ENPP1: variants seen among roughly 807,000 people sequenced by gnomAD.
ENPP1 encodes the protein ectonucleotide pyrophosphatase/phosphodiesterase 1, also known as ectonucleotide pyrophosphatase/phosphodiesterase family member 1.
ENPP1 carries 73 observed loss-of-function variants against 122.8 expected under a neutral mutation model. The observed-to-expected ratio is 0.59, with a 90% confidence interval of 0.49 to 0.72. The LOEUF (loss-of-function observed/expected upper bound fraction) is 0.72, where lower values mean the gene tolerates loss of function less well. Ranked by LOEUF, ENPP1 falls within the 30% of genes least tolerant of loss-of-function variation. The probability of loss-of-function intolerance (pLI) is 0.00; values close to 1 mark genes in which losing one functional copy is unlikely to be tolerated. For missense variants in ENPP1, 978 were observed against 1,128.1 expected (o/e 0.87, Z 1.91); for synonymous variants, 367 against 391.6 (o/e 0.94, Z 0.74).
At chr6:131,838,369 A>T (rs1585806060) in intron 1 of ENPP1, among the ~76,000 whole-genome samples, 1 of 152,196 alleles carries the variant, frequency 6.6e-6, no homozygotes, top group African/African-American at 2.4e-5. Flanking sequence ...ACTAACGAAT[A>T]CTGAGAGAGT....
intron 1 of ENPP1, chr6:131,827,261 G>C: frequency 8.3e-7 from 1 of 1,203,304 alleles, no homozygotes; most frequent in Non-Finnish European, 1.2e-6. Flanking sequence ...CCTCTGATAG[G>C]AATATGGAGA....
intron 16 of ENPP1, 90 bp downstream of exon 16, chr6:131,874,427 G>A: frequency 1.4e-6 from 1 of 737,748 alleles, no homozygotes; most frequent in Non-Finnish European, 2.4e-6. Flanking sequence ...GTGATTATAT[G>A]TCTTGAATGA....
At chr6:131,821,494 C>T (rs879518657) in intron 1 of ENPP1, among the ~76,000 whole-genome samples, 2 of 152,204 alleles carry the variant, frequency 1.3e-5, no homozygotes, top group South Asian at 2.1e-4. Flanking sequence ...CAAGTAGCCC[C>T]ATTGCTCTTG....
In ENPP1 at chr6:131,886,619, G is replaced by T; in HGVS notation, c.2502G>T (p.Val834=). The T allele has an allele frequency of 6.2e-7, 1 of 1,613,830 alleles. No homozygotes were observed. Among genetic ancestry groups the T allele is most frequent in the Admixed American group, 1.7e-5 (1 of 60,020 alleles). The part of the protein sequence containing the change: ...EILIPTHFFI[V]LTSCKDTSQT... ...TGATTCCAACTCACTTCTTTATTGT[G>T]CTAACAAGCTGTAAAGATACATCTC... is the stretch of plus-strand genomic sequence containing the variant. The change falls in exon 24 of 25, where the codon GTG becomes GTT. Residue 834 remains valine (V), a synonymous_variant. Transcript: ENST00000647893.
intron 16 of ENPP1, among the ~76,000 whole-genome samples, chr6:131,875,373 T>A (rs952880013): frequency 6.6e-6 from 1 of 152,180 alleles, no homozygotes; most frequent in South Asian, 2.1e-4. Flanking sequence ...AGTATCAGAC[T>A]TATGTTCTGA....
At chr6:131,875,748 T>C (rs775077886) in intron 16 of ENPP1, 28 bp from the exon 17 acceptor site, 1 of 1,591,722 alleles carries the variant, frequency 6.3e-7, no homozygotes, top group South Asian at 1.1e-5. Context: ...TGAAATGCAC[T>C]GATAAACTTC....
chr6:131,851,534 T>G, intron 4 of ENPP1: 1 of 430,608 alleles, frequency 2.3e-6, no homozygotes. Context: ...TAACCACTCA[T>G]TCCCCTGCCA....
intron 23 of ENPP1, among the ~76,000 whole-genome samples, chr6:131,886,192 G>T (rs1268620583): frequency 6.6e-6 from 1 of 152,170 alleles, no homozygotes; most frequent in Admixed American, 6.6e-5. Flanking sequence ...CCCACTATTT[G>T]TCTATAATCG....
intron 21 of ENPP1, among the ~76,000 whole-genome samples, chr6:131,882,787 G>A (rs1782329916): frequency 6.6e-6 from 1 of 151,220 alleles, no homozygotes; most frequent in Non-Finnish European, 1.5e-5. Flanking sequence ...TTGTTGGGAG[G>A]GTAGTTGATG....
At chr6:131,861,887 G>A (rs575169899) in intron 9 of ENPP1, among the ~76,000 whole-genome samples, 183 bp downstream of exon 9, 1 of 152,184 alleles carries the variant, frequency 6.6e-6, no homozygotes, top group East Asian at 1.9e-4. Flanking sequence ...CTAGACAAGT[G>A]GGCCAGCTGT....
At chr6:131,871,042 C>G (rs1782155858) in intron 13 of ENPP1, among the ~76,000 whole-genome samples, 1 of 151,790 alleles carries the variant, frequency 6.6e-6, no homozygotes, top group African/African-American at 2.4e-5. Context: ...CGCCACTGCA[C>G]TCCAGCCTGG....
intron 12 of ENPP1, 65 bp from the exon 13 acceptor site, chr6:131,869,293 C>A: frequency 6.6e-7 from 1 of 1,518,928 alleles, no homozygotes; most frequent in Non-Finnish European, 9.1e-7. Flanking sequence ...GAAAGAAGTT[C>A]TGCTCTGCAT....
At chr6:131,885,086 T>C in intron 23 of ENPP1, 23 bp downstream of exon 23, 1 of 1,611,486 alleles carries the variant, frequency 6.2e-7, no homozygotes, top group South Asian at 1.1e-5. Flanking sequence ...TTCATTACTC[T>C]TAAAAATAGG....
chr6:131,828,116 T>G, intron 1 of ENPP1: 1 of 587,768 alleles, frequency 1.7e-6, no homozygotes, highest in South Asian at 1.4e-5. Context: ...GTAGGAGTCC[T>G]GCTGTCAGTG....
chr6:131,826,752 C>G, intron 1 of ENPP1: 1 of 483,242 alleles, frequency 2.1e-6, no homozygotes. Flanking sequence ...GGAGAGGCTA[C>G]TCTGCAAGTA....
intron 12 of ENPP1, among the ~76,000 whole-genome samples, chr6:131,869,122 T>C (rs938902291): frequency 1.3e-5 from 2 of 152,176 alleles, no homozygotes; most frequent in Non-Finnish European, 2.9e-5. Context: ...ATAATGATAT[T>C]GTAATATATA....
intron 9 of ENPP1, among the ~76,000 whole-genome samples, chr6:131,864,003 A>G (rs1000241254): frequency 1.1e-4 from 16 of 152,182 alleles, no homozygotes; most frequent in African/African-American, 3.6e-4. Context: ...GATTTAGTAG[A>G]GTATACAACT....
chr6:131,813,612 C>T (rs1781381300), intron 1 of ENPP1, among the ~76,000 whole-genome samples: 1 of 152,052 alleles, frequency 6.6e-6, no homozygotes, highest in Non-Finnish European at 1.5e-5. Flanking sequence ...TTAACCCTCC[C>T]CTTGCATACC....
At chr6:131,823,962 T>C (rs1334596687) in intron 1 of ENPP1, among the ~76,000 whole-genome samples, 1 of 150,884 alleles carries the variant, frequency 6.6e-6, no homozygotes, top group African/African-American at 2.4e-5. Context: ...GAGTGCCTGA[T>C]ACTAGATGGT....
Sources: gnomAD v4.1 joint callset for allele counts (sites outside exome capture counted in the v4.1 genomes callset) on GRCh38, gnomAD v4.1.1 for gene constraint, MANE v1.5 for transcripts, NCBI Gene and HGNC (gene_info 2026-07-23, HGNC 2026-07-21) for gene names.